The following DBT variants were observed in gnomAD, a reference collection of about 807,000 sequenced individuals.
DBT encodes the protein dihydrolipoamide branched chain transacylase E2, also known as lipoamide acyltransferase component of branched-chain alpha-keto acid dehydrogenase complex, mitochondrial.
In DBT, 40 loss-of-function variants were observed where a neutral mutation model predicts 51.3. The observed-to-expected ratio is 0.78, with a 90% CI of 0.61 to 1.02. The LOEUF is 1.02. Ranked by LOEUF, DBT falls within the 50% of genes least tolerant of loss-of-function variation. The pLI is 0.00. For synonymous variants in DBT, 181 were observed against 190.4 expected (o/e 0.95, Z 0.41); for missense variants, 510 against 580.2 (o/e 0.88, Z 1.24).
rs550450511 is a variant in DBT, at chr1:100,195,114, A to G, written c.*1141T>C. 3.9e-5 allele frequency: 6 copies of G among 152,732 alleles called. No homozygotes were observed. The highest frequency in any genetic ancestry group is 1.4e-4 in the African/African-American group (6 of 41,564). 9.5% of individuals were successfully genotyped at this position (152,732 alleles called of 1,614,324 possible). On this transcript the variant is annotated 3_prime_UTR_variant, in exon 11 of 11. Coordinates refer to ENST00000370132, the MANE Select transcript of DBT (RefSeq NM_001918.5). ...TTACATTCTTACCCAGGATATGGAG[A>G]ATGGAATAGACCTTAATTTCTTATC...
chr1:100,210,841 A>C lies in DBT; in HGVS notation c.940-70T>G, dbSNP rs141978466. ...AAAGGATAGAGAATTTGAAACAATA[A>C]GAGGTATAAAAGGAGGGAGAGAGAG... On this transcript the variant is annotated intron_variant, in intron 7 of 10. Transcript: ENST00000370132. The C allele has an allele frequency of 3.9e-4, 620 of 1,596,202 alleles. 2 individuals carry two copies. The African/African-American group carries it at 7.5e-3, about 19-fold the overall frequency.
chr1:100,244,517 G>C (rs1378343875), intron 1 of DBT, among the ~76,000 whole-genome samples: 2 of 152,012 alleles, frequency 1.3e-5, no homozygotes, highest in Non-Finnish European at 2.9e-5. Context: ...ATCAAAAAAG[G>C]ATTTTTTTAA....
At chr1:100,232,580 T>G (rs2100830466) in intron 3 of DBT, among the ~76,000 whole-genome samples, 1 of 152,246 alleles carries the variant, frequency 6.6e-6, no homozygotes, top group East Asian at 1.9e-4. Flanking sequence ...ATGGAATACT[T>G]TCAATGTGGA....
At chr1:100,200,758 G>C (rs1661388658) in intron 10 of DBT, among the ~76,000 whole-genome samples, 1 of 152,174 alleles carries the variant, frequency 6.6e-6, no homozygotes, top group South Asian at 2.1e-4. Context: ...GTGATACCCA[G>C]GCAAACAGGG....
Position 100,223,831 on chromosome 1 carries a change from T to TA in DBT, c.434-5085_434-5084insT, listed in dbSNP as rs1352017986. Among the ~76,000 whole-genome samples the TA allele has an allele frequency of 3.3e-5, 5 of 151,998 alleles. No individual in the cohort carries two copies. The South Asian group carries it at 8.3e-4, about 25-fold the overall frequency. ...AATAGCTTTGATATAATGGTGATAA[T>TA]GTTAAGTAAAAAAAAAAATTAAGTA... is the stretch of plus-strand genomic sequence containing the variant. On this transcript the variant is annotated intron_variant, in intron 4 of 10. Coordinates refer to ENST00000370132, the MANE Select transcript of DBT (RefSeq NM_001918.5).
chr1:100,213,328 C>T (rs1662269820), intron 7 of DBT: 24 of 1,510,280 alleles, frequency 1.6e-5, no homozygotes, highest in South Asian at 1.4e-4. Context: ...AGCGGCCGCC[C>T]GCCTACAACC....
Position 100,196,370 on chromosome 1 carries a change from T to C in DBT, c.1334A>G (p.Asn445Ser), listed in dbSNP as rs1484640422. ...TCTGTGATCAGCTGACCAGCTCACA[T>C]TCATTATCTGTGCCTTATATACTTC... The part of the protein sequence containing the change: ...KGEVYKAQIM[N>S]VSWSADHRVI... Residue 445 changes from asparagine to serine, a missense_variant, in exon 11 of 11, where the codon AAT (asparagine) becomes AGT (serine). Physicochemically the swap from Asn to Ser is conservative, Grantham distance 46 (BLOSUM62 1). Coordinates refer to ENST00000370132, the MANE Select transcript of DBT (RefSeq NM_001918.5). The C allele has an allele frequency of 6.2e-7, 1 of 1,604,352 alleles. No homozygotes were observed. The highest frequency in any genetic ancestry group is 8.5e-7 in the Non-Finnish European group (1 of 1,177,754).
At chr1:100,243,268 AAAAAAAAAGAAAG>A (rs1427621115) in intron 1 of DBT, among the ~76,000 whole-genome samples, 13 of 151,612 alleles carry the variant, frequency 8.6e-5, no homozygotes, top group Non-Finnish European at 1.5e-4. Flanking sequence ...TCCAAAAAAA[AAAAAAAAAGAAAG>A]AAAAAAAGAA....
intron 3 of DBT, among the ~76,000 whole-genome samples, 189 bp downstream of exon 3, chr1:100,235,247 C>T (rs1289293556): frequency 6.6e-6 from 1 of 152,052 alleles, no homozygotes; most frequent in African/African-American, 2.4e-5. Context: ...TGACAAAGTC[C>T]TTCACCACTA....
chr1:100,249,576 G>C (rs1281108226), intron 1 of DBT, among the ~76,000 whole-genome samples, 194 bp downstream of exon 1: 1 of 152,170 alleles, frequency 6.6e-6, no homozygotes, highest in African/African-American at 2.4e-5. Flanking sequence ...TCCAGGTAAG[G>C]GGAGGGAGTG....
At chr1:100,223,475 G>A (rs1017654910) in intron 4 of DBT, among the ~76,000 whole-genome samples, 4 of 152,228 alleles carry the variant, frequency 2.6e-5, no homozygotes, top group South Asian at 2.1e-4. Flanking sequence ...TTGTGTGTGC[G>A]TGTTTTTAAG....
At chr1:100,249,025 A>C (rs1664748535) in intron 1 of DBT, 3 of 796,100 alleles carry the variant, frequency 3.8e-6, no homozygotes, top group South Asian at 1.1e-4. Context: ...CTAACACAGC[A>C]CTGGTACATA....
rs1379613372 is a variant in DBT at position 100,193,254 on chromosome 1, T to C, written c.*3001A>G. On this transcript the variant is annotated 3_prime_UTR_variant, in exon 11 of 11. Transcript: ENST00000370132. ...ATTTCAGAACTCCCTTCTCCTGGTT[T>C]TTCTATTCTTTAAGTGAGGAGGACA... is the stretch of plus-strand genomic sequence containing the variant. 6.6e-6 allele frequency: 1 copy of C among 152,246 alleles called. No individual in the cohort carries two copies. Among genetic ancestry groups the C allele is most frequent in the Non-Finnish European group, 1.5e-5 (1 of 68,048 alleles). 9.4% of individuals were successfully genotyped at this position (152,246 alleles called of 1,614,324 possible).
At chr1:100,225,352 TTC>T (rs1417161606) in intron 4 of DBT, among the ~76,000 whole-genome samples, 1 of 152,018 alleles carries the variant, frequency 6.6e-6, no homozygotes, top group Non-Finnish European at 1.5e-5. Flanking sequence ...GGGATCTGGC[TTC>T]TTTCACTCAG....
chr1:100,218,174 T>C (rs1231075131), intron 5 of DBT, among the ~76,000 whole-genome samples: 2 of 152,202 alleles, frequency 1.3e-5, no homozygotes, highest in East Asian at 3.9e-4. Flanking sequence ...TTTCTTTTTT[T>C]ACTTAGGACC....
intron 7 of DBT, 141 bp from the exon 8 acceptor site, chr1:100,210,912 G>C: frequency 6.6e-7 from 1 of 1,525,342 alleles, no homozygotes; most frequent in Non-Finnish European, 8.9e-7. Flanking sequence ...CATGTACCTA[G>C]TCACATTACT....
At chr1:100,203,900 AC>A (rs1320787729) in intron 10 of DBT, among the ~76,000 whole-genome samples, 1 of 152,170 alleles carries the variant, frequency 6.6e-6, no homozygotes, top group Non-Finnish European at 1.5e-5. Flanking sequence ...AAAATTTAAC[AC>A]CCCTTCATGC....
intron 10 of DBT, among the ~76,000 whole-genome samples, chr1:100,197,617 G>A (rs542831882): frequency 2.6e-5 from 4 of 152,292 alleles, no homozygotes; most frequent in Middle Eastern, 3.4e-3. Flanking sequence ...GCTTCCATGT[G>A]CAGAGATTAG....
At chr1:100,220,269 C>CAAAAA (rs34088406) in intron 4 of DBT, among the ~76,000 whole-genome samples, 1 of 149,640 alleles carries the variant, frequency 6.7e-6, no homozygotes, top group Non-Finnish European at 1.5e-5. Context: ...TTTCTGCAAG[C>CAAAAA]AAAAAAAAAA....
Sources: allele counts gnomAD v4.1 joint callset (sites outside exome capture counted in the v4.1 genomes callset), GRCh38; gene constraint gnomAD v4.1.1; transcripts MANE v1.5; gene names NCBI Gene and HGNC (gene_info 2026-07-23, HGNC 2026-07-21).